Variants in SLC5A6 observed in about 807,000 individuals in gnomAD.
SLC5A6 encodes the protein solute carrier family 5 member 6.
SLC5A6 carries 31 observed loss-of-function variants against 67.9 expected under a neutral mutation model. The ratio of observed to expected loss-of-function variants is 0.46; its 90% CI spans 0.34 to 0.62. The LOEUF is 0.62. Ranked by LOEUF, SLC5A6 falls within the 20% of genes least tolerant of loss-of-function variation. The pLI, the probability that SLC5A6 is intolerant of heterozygous loss-of-function variation, is 0.01. For synonymous variants in SLC5A6, 343 were observed against 331.0 expected, an observed-to-expected ratio of 1.04 and a Z score of -0.39; for missense variants, 673 against 812.8, an observed-to-expected ratio of 0.83 and a Z score of 2.09.
chr2:27,208,928 G>A (rs901250499), intron 2 of SLC5A6, among the ~76,000 whole-genome samples: 5 of 152,210 alleles, frequency 3.3e-5, no homozygotes, highest in Non-Finnish European at 7.3e-5. Flanking sequence ...GAGTTGGAAA[G>A]AAGGAACTGA....
chr2:27,212,013 T>G lies in SLC5A6; in HGVS notation c.-208+7A>C. 85 of 546,798 alleles carry G rather than the reference T, an allele frequency of 1.6e-4. No homozygotes were observed. Among genetic ancestry groups the G allele is most frequent in the East Asian group, 3.2e-4 (7 of 21,920 alleles). 33.9% of individuals were successfully genotyped at this position (546,798 alleles called of 1,614,324 possible). Reference sequence around the variant, plus strand: ...GCCCGCCCCGCTCGCCGTGCCGCCATGTTTACTGAGGGCGGATGGAGGGGC... The same window carrying G: ...GCCCGCCCCGCTCGCCGTGCCGCCAGGTTTACTGAGGGCGGATGGAGGGGC... On this transcript the variant is annotated splice_region_variant and intron_variant, in intron 1 of 16. Coordinates refer to ENST00000310574, the MANE Select transcript of SLC5A6 (RefSeq NM_021095.4).
At chr2:27,208,935 C>A (rs1167440581) in intron 2 of SLC5A6, among the ~76,000 whole-genome samples, 3 of 152,196 alleles carry the variant, frequency 2.0e-5, no homozygotes, top group Non-Finnish European at 4.4e-5. Context: ...AAAGAAGGAA[C>A]TGAAAACATG....
chr2:27,205,098 T>A (rs895577358), intron 7 of SLC5A6, 167 bp from the exon 8 acceptor site: 2 of 777,454 alleles, frequency 2.6e-6, no homozygotes, highest in African/African-American at 3.5e-5. Context: ...CACAGCCAGT[T>A]AGAGGGAGGC....
At chr2:27,212,556 G>C (rs1674624947), upstream of SLC5A6, 2 of 1,492,488 alleles carry the variant, frequency 1.3e-6, no homozygotes, top group Non-Finnish European at 1.8e-6. Flanking sequence ...TCTCCTCGGC[G>C]GGCCTGCGGT....
rs1005568342 is a variant in SLC5A6 at position 27,209,083 on chromosome 2, A to AC, written c.-140-1294dup. 5.3e-4 allele frequency among the ~76,000 whole-genome samples: 81 copies of AC among 152,050 alleles called. 1 individual carries two copies. The highest frequency in any genetic ancestry group is 1.8e-3 in the African/African-American group (75 of 41,460). On this transcript the variant is annotated intron_variant, in intron 2 of 16. Transcript: ENST00000310574. ...TCTTTGGACACCACTATTACAACCA[A>AC]CCCCCCACCACTGACGATTTCACAG...
At chr2:27,200,797 G>A (rs1159077495) in intron 16 of SLC5A6, among the ~76,000 whole-genome samples, 1 of 152,236 alleles carries the variant, frequency 6.6e-6, no homozygotes, top group Non-Finnish European at 1.5e-5. Flanking sequence ...GCTCCTCTGA[G>A]CCCTGAGATC....
rs758111139 is a variant in SLC5A6 at position 27,204,800 on chromosome 2, G to A, written c.866C>T (p.Ala289Val). Residue 289 changes from alanine to valine, a missense_variant, in exon 8 of 17, where the codon GCT becomes GTT. Transcript: ENST00000310574. ...CTGTCCCTGCACTCACAGCACAGCAGCCTTCTCCGTGCGGGAACTGAGGTA... is the reference window on the plus strand; with the variant it reads ...CTGTCCCTGCACTCACAGCACAGCAACCTTCTCCGTGCGGGAACTGAGGTA... The part of the protein sequence containing the change: ...QRYLSSRTEK[A>V]AVLSCYAVFP... 20 of 1,614,122 alleles carry A rather than the reference G, an allele frequency of 1.2e-5. No individual in the cohort carries two copies. Among genetic ancestry groups the A allele is most frequent in the Non-Finnish European group, 1.7e-5 (20 of 1,180,002 alleles).
intron 2 of SLC5A6, among the ~76,000 whole-genome samples, chr2:27,208,083 TAA>T (rs1674205823): frequency 6.6e-6 from 1 of 152,178 alleles, no homozygotes; most frequent in South Asian, 2.1e-4. Context: ...AACTCTAGCC[TAA>T]GTTTCTTAGC....
In SLC5A6 at chr2:27,207,253, C is replaced by G; in HGVS notation, c.393+5G>C. 1 of 1,613,258 alleles carries G rather than the reference C, an allele frequency of 6.2e-7. No individual in the cohort carries two copies. ...CACGCACTTCTCCCTTCTGTCCCTG[C>G]TCACCTCATAGGCACTGGTGAGATG... On this transcript the variant is annotated splice_donor_5th_base_variant and intron_variant, in intron 3 of 16. Transcript: ENST00000310574. This position sits in a 1 kb window ranked among gnomAD's most constrained non-coding sequence, Gnocchi z 5.5.
chr2:27,212,179 T>G lies in SLC5A6; in HGVS notation c.-367A>C. 6.5e-7 allele frequency: 1 copy of G among 1,538,792 alleles called. No individual in the cohort carries two copies. Among genetic ancestry groups the G allele is most frequent in the Non-Finnish European group, 8.7e-7 (1 of 1,143,558 alleles). ...GGAAAAGGAAGAGGGGGTCGGCCAGTATCCCCGAAAGAGGGCTAGGGCGCA... is the reference window on the plus strand; with the variant it reads ...GGAAAAGGAAGAGGGGGTCGGCCAGGATCCCCGAAAGAGGGCTAGGGCGCA... On this transcript the variant is annotated 5_prime_UTR_variant, in exon 1 of 17. Transcript: ENST00000310574.
At position 27,207,565 on chromosome 2, in the gene SLC5A6, T is replaced by C. The variant is rs947392204; in HGVS notation, c.86A>G (p.Tyr29Cys). Reference protein sequence around the residue: ...VGMSTFSIMDYVVFVLLLVLS... With the variant: ...VGMSTFSIMDCVVFVLLLVLS... ...AACCAGCAGCAGGACGAACACCACA[T>C]AGTCCATGATGGAGAAGGTAGACAT... Residue 29 changes from tyrosine (Y) to cysteine (C), a missense_variant, in exon 3 of 17, where the codon TAT becomes TGT. By Grantham distance (194) the Tyr-to-Cys change is radical. Transcript: ENST00000310574. This position sits in a 1 kb window ranked among gnomAD's most constrained non-coding sequence, Gnocchi z 5.5. 3 of 1,614,082 alleles carry C rather than the reference T, an allele frequency of 1.9e-6. No homozygotes were observed. Among genetic ancestry groups the C allele is most frequent in the African/African-American group, 1.3e-5 (1 of 74,926 alleles).
intron 9 of SLC5A6, among the ~76,000 whole-genome samples, chr2:27,204,164 G>A: frequency 6.6e-6 from 1 of 152,182 alleles, no homozygotes; most frequent in East Asian, 1.9e-4. Context: ...GTGAAATGAG[G>A]CTGTTAGAGG....
intron 16 of SLC5A6, among the ~76,000 whole-genome samples, 193 bp from the exon 17 acceptor site, chr2:27,200,772 C>T (rs1673562772): frequency 1.3e-5 from 2 of 152,200 alleles, no homozygotes; most frequent in Non-Finnish European, 2.9e-5. Context: ...GCTGACTGGC[C>T]CAGGCTGGGG....
chr2:27,210,782 G>T (rs1384510210), intron 2 of SLC5A6, among the ~76,000 whole-genome samples: 2 of 152,008 alleles, frequency 1.3e-5, no homozygotes, highest in African/African-American at 4.8e-5. Context: ...CCAGCACTTT[G>T]GGAGGCCGAG....
chr2:27,212,319 G>C (rs1293023870), upstream of SLC5A6: 3 of 1,549,260 alleles, frequency 1.9e-6, no homozygotes, highest in South Asian at 1.2e-5. Context: ...CTGCGGGGCG[G>C]GGCCGCGGGG....
Position 27,201,986 on chromosome 2 carries a change from A to G in SLC5A6, c.1362+2T>C, listed in dbSNP as rs1673677913. The G allele has an allele frequency of 6.2e-7, 1 of 1,613,354 alleles. No homozygotes were observed. The highest frequency in any genetic ancestry group is 8.5e-7 in the Non-Finnish European group (1 of 1,179,268). Reference sequence around the variant, plus strand: ...GACTGTGGATCCAGATGCATCACTCACAGGAGGGTTAGCACATGGAAAGAA... The same window carrying G: ...GACTGTGGATCCAGATGCATCACTCGCAGGAGGGTTAGCACATGGAAAGAA... On this transcript the variant is annotated splice_donor_variant, in intron 13 of 16. Coordinates refer to ENST00000310574, the MANE Select transcript of SLC5A6 (RefSeq NM_021095.4). LOFTEE classifies it high-confidence loss of function.
rs902162878 is a variant in SLC5A6 at position 27,205,027 on chromosome 2, C to A, written c.735-96G>T. ...GAGTCAGTGGACAGGAAAGGAGAGA[C>A]ACCACTGCTAGGGCCAAGGGGGACA... On this transcript the variant is annotated intron_variant, in intron 7 of 16. Coordinates refer to ENST00000310574, the MANE Select transcript of SLC5A6 (RefSeq NM_021095.4). 28 of 1,464,518 alleles carry A rather than the reference C, an allele frequency of 1.9e-5. No homozygotes were observed. The South Asian group carries it at 3.3e-4, about 17-fold the overall frequency. 90.7% of individuals were successfully genotyped at this position (1,464,518 alleles called of 1,614,324 possible).
At chr2:27,201,146 G>A in intron 15 of SLC5A6, 33 bp from the exon 16 acceptor site, 1 of 1,536,200 alleles carries the variant, frequency 6.5e-7, no homozygotes. Context: ...GTCTCTGGGT[G>A]GAACCATCCA....
chr2:27,205,013 C>A (rs1673950210), intron 7 of SLC5A6, 82 bp from the exon 8 acceptor site: 11 of 1,552,130 alleles, frequency 7.1e-6, no homozygotes, highest in Non-Finnish European at 8.8e-6. Flanking sequence ...AGTCAGTGGA[C>A]AGGAAAGGAG....
Sources: gnomAD v4.1 joint callset for allele counts (sites outside exome capture counted in the v4.1 genomes callset) on GRCh38, gnomAD v4.1.1 for gene constraint, Gnocchi (gnomAD v3.1) non-coding constraint, MANE v1.5 for transcripts, NCBI Gene and HGNC (gene_info 2026-07-23, HGNC 2026-07-21) for gene names.